MICAL2: variants seen among roughly 807,000 people sequenced by gnomAD.
MICAL2 encodes the protein microtubule associated monooxygenase, calponin and LIM domain containing 2.
A neutral mutation model predicts 127.3 loss-of-function variants in MICAL2; 77 were observed. The observed-to-expected ratio is 0.60, with a 90% confidence interval of 0.50 to 0.73. The LOEUF is 0.73. Ranked by LOEUF, MICAL2 falls within the 30% of genes least tolerant of loss-of-function variation. MICAL2 has a pLI of 0.00. For synonymous variants in MICAL2, 570 were observed against 551.1 expected, an observed-to-expected ratio of 1.03 and a Z score of -0.48; for missense variants, 1,351 against 1,434.4, an observed-to-expected ratio of 0.94 and a Z score of 0.94.
chr11:12,293,522 A>G, downstream of MICAL2: 1 of 1,534,402 alleles, frequency 6.5e-7, no homozygotes, highest in Non-Finnish European at 8.8e-7. Context: ...AAATGATGAA[A>G]ATTTTTAAAT....
At position 12,222,806 on chromosome 11, in the gene MICAL2, G is replaced by A. The variant is rs762334442; in HGVS notation, c.1449+63G>A. 8 of 1,593,682 alleles carry A rather than the reference G, an allele frequency of 5.0e-6. No individual in the cohort carries two copies. The Admixed American group carries it at 5.2e-5, about 10-fold the overall frequency. ...CACTGAACAGTGGGAAGAGGTGGTG[G>A]GGAGGGGGTCACATTAAATTTTGGT... is the stretch of plus-strand genomic sequence containing the variant. On this transcript the variant is annotated intron_variant, in intron 11 of 27. Coordinates refer to ENST00000683283, the MANE Select transcript of MICAL2 (RefSeq NM_001282663.2).
rs1158023080 is a variant in MICAL2 at position 12,226,383 on chromosome 11, A to G, written c.1888+13A>G. 5.6e-6 allele frequency: 9 copies of G among 1,613,154 alleles called. No homozygotes were observed. Among genetic ancestry groups the G allele is most frequent in the Non-Finnish European group, 6.8e-6 (8 of 1,179,574 alleles). On this transcript the variant is annotated intron_variant, in intron 14 of 27. Coordinates refer to ENST00000683283, the MANE Select transcript of MICAL2 (RefSeq NM_001282663.2). ...CTGAGGCCCGTGGGTAAGCACCTGC[A>G]CAGAGGTTTTGCTTAGCCCCTTGAG... is the stretch of plus-strand genomic sequence containing the variant.
At chr11:12,282,433 T>C (rs1863782767) in intron 2 of MICAL2, among the ~76,000 whole-genome samples, 1 of 152,094 alleles carries the variant, frequency 6.6e-6, no homozygotes, top group Non-Finnish European at 1.5e-5. Flanking sequence ...CTTCCCTCCA[T>C]TTCCCCTCCA....
intron 1 of MICAL2, among the ~76,000 whole-genome samples, chr11:12,136,428 T>G (rs563264943): frequency 6.6e-6 from 1 of 152,122 alleles, no homozygotes; most frequent in Non-Finnish European, 1.5e-5. Context: ...GCTGGGAGGA[T>G]TAGCTGAGGT....
At chr11:12,285,647 GA>G (rs1863818258) in intron 2 of MICAL2, among the ~76,000 whole-genome samples, 1 of 152,204 alleles carries the variant, frequency 6.6e-6, no homozygotes, top group Non-Finnish European at 1.5e-5. Context: ...TGGAGTAAGG[GA>G]AAGAGAGGAG....
At chr11:12,283,135 C>G (rs1863789569) in intron 2 of MICAL2, among the ~76,000 whole-genome samples, 2 of 152,184 alleles carry the variant, frequency 1.3e-5, no homozygotes, top group Non-Finnish European at 1.5e-5. Flanking sequence ...AGCTCTCTGG[C>G]ACAGGTCTAA....
At chr11:12,122,015 T>G (rs1446505258) in intron 1 of MICAL2, among the ~76,000 whole-genome samples, 1 of 152,208 alleles carries the variant, frequency 6.6e-6, no homozygotes, top group Non-Finnish European at 1.5e-5. Context: ...GTTCACTGAT[T>G]GATAAATTGA....
At chr11:12,357,862 A>G (rs969681516) in intron 34 of MICAL2, among the ~76,000 whole-genome samples, 2 of 152,082 alleles carry the variant, frequency 1.3e-5, no homozygotes, top group Non-Finnish European at 2.9e-5. Context: ...GAAAAAAAAG[A>G]TTGTGGTCAT....
intron 1 of MICAL2, chr11:12,116,591 G>A (rs1387433671): frequency 1.3e-5 from 2 of 152,150 alleles, no homozygotes; most frequent in African/African-American, 4.8e-5. Context: ...TAGACAGCAT[G>A]GCTGGCCTGG....
At chr11:12,278,724 A>G (rs1421761765) in intron 1 of MICAL2, among the ~76,000 whole-genome samples, 1 of 152,182 alleles carries the variant, frequency 6.6e-6, no homozygotes, top group Non-Finnish European at 1.5e-5. Flanking sequence ...GGATTTGTTA[A>G]TGGACTGAAT....
At chr11:12,325,056 A>G (rs1332683857) in intron 31 of MICAL2, among the ~76,000 whole-genome samples, 1 of 151,942 alleles carries the variant, frequency 6.6e-6, no homozygotes, top group Non-Finnish European at 1.5e-5. Context: ...GCTGGCACCC[A>G]TAGCAGCCCT....
chr11:12,269,418 C>T (rs1468830221), intron 24 of MICAL2, among the ~76,000 whole-genome samples: 1 of 152,338 alleles, frequency 6.6e-6, no homozygotes, highest in Middle Eastern at 3.4e-3. Flanking sequence ...AAGAAGAAGG[C>T]TCCAGACATG....
intron 29 of MICAL2, among the ~76,000 whole-genome samples, chr11:12,302,792 TAGC>T (rs1466700766): frequency 1.3e-5 from 2 of 152,168 alleles, no homozygotes; most frequent in Non-Finnish European, 2.9e-5. Flanking sequence ...CCTCCCAAGT[TAGC>T]AGGGATTACA....
At chr11:12,136,497 CA>C (rs1443093806) in intron 1 of MICAL2, among the ~76,000 whole-genome samples, 4 of 152,114 alleles carry the variant, frequency 2.6e-5, no homozygotes, top group Non-Finnish European at 5.9e-5. Context: ...CCTCTTATAA[CA>C]ACTAAGTAGT....
intron 3 of MICAL2, among the ~76,000 whole-genome samples, chr11:12,198,493 G>A (rs938425358): frequency 6.6e-6 from 1 of 152,236 alleles, no homozygotes; most frequent in Non-Finnish European, 1.5e-5. Context: ...TCCATCCTGC[G>A]ATTCTGAACC....
intron 32 of MICAL2, among the ~76,000 whole-genome samples, chr11:12,347,879 C>T (rs182652874): frequency 7.2e-5 from 11 of 152,172 alleles, no homozygotes; most frequent in Admixed American, 7.2e-4. Context: ...GCAGGCCAGG[C>T]ACGGTGGCTC....
At chr11:12,203,198 T>A (rs989935558) in intron 3 of MICAL2, among the ~76,000 whole-genome samples, 7 of 152,240 alleles carry the variant, frequency 4.6e-5, no homozygotes, top group African/African-American at 7.2e-5. Flanking sequence ...TTTGGGGCTA[T>A]TGTGAATGAC....
chr11:12,184,992 C>T lies in MICAL2; in HGVS notation c.265-19258C>T, dbSNP rs116598315. Among the ~76,000 whole-genome samples the T allele has an allele frequency of 4.8e-3, 717 of 149,676 alleles. 10 individuals carry two copies. Among genetic ancestry groups the T allele is most frequent in the African/African-American group, 0.017 (691 of 40,438 alleles). On this transcript the variant is annotated intron_variant, in intron 3 of 27. Coordinates refer to ENST00000683283, the MANE Select transcript of MICAL2 (RefSeq NM_001282663.2). The stretch of plus-strand genomic sequence containing the variant: ...GGCCGATGGCCCAAGGAGGGTGTCC[C>T]CATCTGCCCTCTCCAAGATTCTTCC...
chr11:12,116,747 T>C (rs1476502329), intron 1 of MICAL2: 2 of 152,248 alleles, frequency 1.3e-5, no homozygotes, highest in Non-Finnish European at 2.9e-5. Flanking sequence ...GATTTGGAGA[T>C]GCTTCCCTTC....
Sources: allele counts gnomAD v4.1 joint callset (sites outside exome capture counted in the v4.1 genomes callset), GRCh38; gene constraint gnomAD v4.1.1; transcripts MANE v1.5; gene names NCBI Gene and HGNC (gene_info 2026-07-23, HGNC 2026-07-21).